Variants in SCP2 observed in about 807,000 individuals in gnomAD.
SCP2 encodes the protein sterol carrier protein 2.
In SCP2, 48 loss-of-function variants were observed where a neutral mutation model predicts 71.4. That is an observed-to-expected ratio of 0.67 (90% CI 0.53 to 0.86). The LOEUF (loss-of-function observed/expected upper bound fraction) is 0.86, where lower values mean the gene tolerates loss of function less well. Among genes scored for constraint, SCP2 ranks in the 40% least tolerant of loss-of-function variants. The pLI is 0.00. For missense variants in SCP2, 560 were observed against 655.6 expected (o/e 0.85, Z 1.59); for synonymous variants, 220 against 218.1 (o/e 1.01, Z -0.08).
intron 11 of SCP2, among the ~76,000 whole-genome samples, chr1:52,990,733 CAAAAAAA>C (rs61221989): frequency 3.2e-5 from 2 of 62,408 alleles, no homozygotes; most frequent in East Asian, 6.1e-4. Flanking sequence ...GACTCCGTCT[CAAAAAAA>C]AAAAAAAAAA....
rs190122185 is a variant in SCP2 at position 52,931,943 on chromosome 1, A to T, written c.69+4478A>T. 5.2e-3 allele frequency among the ~76,000 whole-genome samples: 786 copies of T among 150,682 alleles called. 6 individuals carry two copies. The highest frequency in any genetic ancestry group is 0.019 in the African/African-American group (758 of 40,672). ...TGAAAAAAGAACTGAGTGCTATTTT[A>T]AAAAAAAAGACATAGGAAAGAGCTC... On this transcript the variant is annotated intron_variant, in intron 1 of 15. Coordinates refer to ENST00000371514, the MANE Select transcript of SCP2 (RefSeq NM_002979.5).
chr1:52,961,993 C>A (rs892747547), intron 6 of SCP2, among the ~76,000 whole-genome samples: 4 of 152,044 alleles, frequency 2.6e-5, no homozygotes, highest in South Asian at 2.1e-4. Context: ...CTTCCATCTC[C>A]CAGGCTCAAG....
At chr1:52,958,129 G>GT (rs1655991670) in intron 5 of SCP2, among the ~76,000 whole-genome samples, 1 of 151,386 alleles carries the variant, frequency 6.6e-6, no homozygotes, top group Non-Finnish European at 1.5e-5. Context: ...TGTCTAATTT[G>GT]TCTGAATTTT....
At chr1:52,931,942 T>TA (rs767240143) in intron 1 of SCP2, among the ~76,000 whole-genome samples, 11 of 150,648 alleles carry the variant, frequency 7.3e-5, no homozygotes, top group Admixed American at 1.3e-4. Context: ...AGTGCTATTT[T>TA]AAAAAAAAAG....
At chr1:53,037,913 CACACACACACACACACAGAT>C (rs1557627652) in intron 13 of SCP2, among the ~76,000 whole-genome samples, 2 of 126,270 alleles carry the variant, frequency 1.6e-5, no homozygotes, top group East Asian at 3.3e-4. Flanking sequence ...CACACACACA[CACACACACACACACACAGAT>C]CCAGATCCTG....
At chr1:53,022,865 A>G (rs1167940039) in intron 12 of SCP2, among the ~76,000 whole-genome samples, 1 of 152,150 alleles carries the variant, frequency 6.6e-6, no homozygotes, top group Non-Finnish European at 1.5e-5. Context: ...TTCAAGAATC[A>G]TGGAGGGAAT....
At chr1:52,938,125 T>G (rs917678234) in intron 1 of SCP2, among the ~76,000 whole-genome samples, 1 of 152,238 alleles carries the variant, frequency 6.6e-6, no homozygotes, top group Admixed American at 6.5e-5. Context: ...GTTGCTTTCA[T>G]TGCCATCTTG....
intron 11 of SCP2, among the ~76,000 whole-genome samples, chr1:52,997,524 A>G (rs1359524459): frequency 6.6e-6 from 1 of 152,192 alleles, no homozygotes; most frequent in Non-Finnish European, 1.5e-5. Flanking sequence ...ATATGCTACA[A>G]TATAGATGAA....
At chr1:53,021,645 CTTT>C (rs753678066) in intron 12 of SCP2, among the ~76,000 whole-genome samples, 8 of 95,654 alleles carry the variant, frequency 8.4e-5, no homozygotes, top group Admixed American at 2.7e-4. Flanking sequence ...CTTTTTCTTT[CTTT>C]TTTTTTTTTT....
chr1:53,011,017 C>T (rs745668821), intron 11 of SCP2, among the ~76,000 whole-genome samples: 12 of 152,126 alleles, frequency 7.9e-5, no homozygotes, highest in Non-Finnish European at 1.8e-4. Flanking sequence ...TTCACATGGA[C>T]GTGCGTGACA....
chr1:53,011,187 GT>G (rs1013335350), intron 11 of SCP2, among the ~76,000 whole-genome samples: 4 of 152,134 alleles, frequency 2.6e-5, no homozygotes, highest in African/African-American at 7.2e-5. Flanking sequence ...TTTTAATGTT[GT>G]TTTTGGAAAA....
intron 5 of SCP2, among the ~76,000 whole-genome samples, chr1:52,961,066 C>CTTTTTTTTTTTTT (rs774047289): frequency 2.2e-5 from 2 of 92,188 alleles, no homozygotes; most frequent in African/African-American, 3.9e-5. Context: ...TCCTTTGGTT[C>CTTTTTTTTTTTTT]TTTTTTTTTT....
At position 52,980,433 on chromosome 1, in the gene SCP2, G is replaced by T; in HGVS notation, c.863G>T (p.Cys288Phe). The T allele has an allele frequency of 6.8e-6, 11 of 1,614,132 alleles. No homozygotes were observed. The highest frequency in any genetic ancestry group is 9.3e-6 in the Non-Finnish European group (11 of 1,179,984). The change falls in exon 10 of 16, where the codon TGC becomes TTC. Residue 288 changes from cysteine to phenylalanine, a missense_variant. Physicochemically the swap from Cys to Phe is radical, Grantham distance 205. This residue lies in a region of SCP2 where 513 missense variants were observed against 573.1 expected (regional missense o/e 0.90). Transcript: ENST00000371514. ...FDMSKEAARKCYEKSGLTPND... is the reference protein window; with the variant it reads ...FDMSKEAARKFYEKSGLTPND... ...ATGAGTAAAGAAGCTGCAAGAAAAT[G>T]CTATGAGAAATCTGGCCTGACACCA...
rs753877339 is a variant in SCP2 at position 52,978,255 on chromosome 1, G to A, written c.713G>A (p.Ser238Asn). ...SDGAAAAILA[S>N]EAFVQKYGLQ... ...GGTGCTGCAGCAGCAATTTTGGCCAGTGAAGCATTTGTACAGAAGTATGGC... is the reference window on the plus strand; with the variant it reads ...GGTGCTGCAGCAGCAATTTTGGCCAATGAAGCATTTGTACAGAAGTATGGC... Residue 238 changes from serine to asparagine, a missense_variant, in exon 9 of 16, where the codon AGT (serine) becomes AAT (asparagine). Transcript: ENST00000371514. The A allele has an allele frequency of 1.9e-6, 3 of 1,614,072 alleles. No individual in the cohort carries two copies. The highest frequency in any genetic ancestry group is 2.5e-6 in the Non-Finnish European group (3 of 1,179,992).
intron 12 of SCP2, among the ~76,000 whole-genome samples, chr1:53,022,794 T>A (rs1192952015): frequency 6.6e-6 from 1 of 152,206 alleles, no homozygotes; most frequent in Non-Finnish European, 1.5e-5. Flanking sequence ...CTGGCTACTC[T>A]GTGCTCTCAG....
At chr1:52,942,481 G>T (rs1049845216) in intron 2 of SCP2, among the ~76,000 whole-genome samples, 1 of 152,002 alleles carries the variant, frequency 6.6e-6, no homozygotes, top group African/African-American at 2.4e-5. Context: ...CCACGACCAG[G>T]CTGCATCTGG....
chr1:52,950,119 T>G (rs577532715), intron 3 of SCP2, among the ~76,000 whole-genome samples: 2 of 152,104 alleles, frequency 1.3e-5, no homozygotes, highest in East Asian at 3.9e-4. Context: ...TTTATTTATT[T>G]ATTTATTTAT....
At chr1:52,996,113 G>C in intron 11 of SCP2, 1 of 581,962 alleles carries the variant, frequency 1.7e-6, no homozygotes, top group Non-Finnish European at 2.6e-6. Context: ...ATTTGTGTTT[G>C]CTGCCTGAAA....
At chr1:52,954,689 T>A in intron 4 of SCP2, 51 bp from the exon 5 acceptor site, 3 of 1,395,284 alleles carry the variant, frequency 2.2e-6, no homozygotes, top group Non-Finnish European at 3.1e-6. Context: ...AATGGTATTT[T>A]GTTGGTGTTT....
Sources: gnomAD v4.1 joint callset for allele counts (sites outside exome capture counted in the v4.1 genomes callset) on GRCh38, gnomAD v4.1.1 for gene constraint, gnomAD v4.1.1 regional missense constraint, MANE v1.5 for transcripts, NCBI Gene and HGNC (gene_info 2026-07-23, HGNC 2026-07-21) for gene names.